FER1L6: variants seen among roughly 807,000 people sequenced by gnomAD.
The protein encoded by FER1L6 is fer-1-like protein 6.
A neutral mutation model predicts 219.2 loss-of-function variants in FER1L6; 177 were observed. The observed-to-expected ratio is 0.81, with a 90% CI of 0.71 to 0.91. The LOEUF (loss-of-function observed/expected upper bound fraction) is 0.91, where lower values mean the gene tolerates loss of function less well. Ranked by LOEUF, FER1L6 falls within the 40% of genes least tolerant of loss-of-function variation. The pLI, the probability that FER1L6 is intolerant of heterozygous loss-of-function variation, is 0.00. For synonymous variants in FER1L6, 768 were observed against 824.3 expected, an observed-to-expected ratio of 0.93 and a Z score of 1.17; for missense variants, 2,153 against 2,259.9, an observed-to-expected ratio of 0.95 and a Z score of 0.96.
Position 124,113,941 on chromosome 8 carries a change from T to C in FER1L6, c.5290-4903T>C, listed in dbSNP as rs371124301. Among the ~76,000 whole-genome samples the C allele has an allele frequency of 1.4e-3, 214 of 152,330 alleles. 7 individuals carry two copies. In the South Asian group the frequency reaches 0.042, roughly 30 times the overall value. On this transcript the variant is annotated intron_variant, in intron 39 of 40. Coordinates refer to ENST00000522917, the MANE Select transcript of FER1L6 (RefSeq NM_001039112.2). ...GTTGGTAAATACAAGATTTCTTCACTGTAAAGGCACATTTTCCCCTCTGCC... is the reference window on the plus strand; with the variant it reads ...GTTGGTAAATACAAGATTTCTTCACCGTAAAGGCACATTTTCCCCTCTGCC...
chr8:123,920,988 G>A (rs1277209984), intron 1 of FER1L6, among the ~76,000 whole-genome samples: 1 of 152,084 alleles, frequency 6.6e-6, no homozygotes, highest in African/African-American at 2.4e-5. Flanking sequence ...TTAACATAAT[G>A]TCCTCAAGGT....
intron 1 of FER1L6, among the ~76,000 whole-genome samples, chr8:123,927,076 G>A (rs750736349): frequency 4.6e-5 from 7 of 151,812 alleles, no homozygotes; most frequent in Non-Finnish European, 8.8e-5. Flanking sequence ...ATGAGATAGA[G>A]TTGGCCCAAC....
chr8:123,894,410 C>T (rs4317550), intron 1 of FER1L6, among the ~76,000 whole-genome samples: 22,158 of 152,154 alleles, frequency 0.15, 1,659 homozygotes, highest in Middle Eastern at 0.2. Context: ...TAATTGTTGT[C>T]TCAGTGATTG....
At chr8:123,881,731 C>A (rs1563672002) in intron 1 of FER1L6, among the ~76,000 whole-genome samples, 4 of 152,162 alleles carry the variant, frequency 2.6e-5, no homozygotes, top group Admixed American at 2.6e-4. Context: ...GCTGAGTCGG[C>A]CTCGTCTTAC....
chr8:123,879,750 C>G (rs950758510), intron 1 of FER1L6, among the ~76,000 whole-genome samples: 5 of 152,164 alleles, frequency 3.3e-5, no homozygotes, highest in Non-Finnish European at 7.4e-5. Context: ...CACACACATT[C>G]ACTCACTGAA....
In FER1L6 at chr8:123,946,705, A is replaced by G. The variant is rs1049161487; in HGVS notation, c.-7-9287A>G. On this transcript the variant is annotated intron_variant, in intron 1 of 40. Transcript: ENST00000522917. The stretch of plus-strand genomic sequence containing the variant: ...GCCACATTGGGCCACCTGGTTACAT[A>G]CTCAATCTTCCCTCTCTTCCTCCCA... 3.9e-5 allele frequency among the ~76,000 whole-genome samples: 6 copies of G among 152,070 alleles called. No individual in the cohort carries two copies. The East Asian group carries it at 7.7e-4, about 20-fold the overall frequency.
intron 10 of FER1L6, among the ~76,000 whole-genome samples, 173 bp downstream of exon 10, chr8:123,977,782 C>T (rs1816157110): frequency 6.6e-6 from 1 of 152,180 alleles, no homozygotes; most frequent in Non-Finnish European, 1.5e-5. Flanking sequence ...TGGGATGAAA[C>T]TGTTCCACTT....
intron 33 of FER1L6, among the ~76,000 whole-genome samples, chr8:124,088,984 C>G (rs62520815): frequency 6.6e-6 from 1 of 151,936 alleles, no homozygotes; most frequent in Admixed American, 6.6e-5. Context: ...GCGAGCACTC[C>G]CATGGCTGCC....
rs1364601676 is a variant in FER1L6, at chr8:124,114,473, G to T, written c.5290-4371G>T. Among the ~76,000 whole-genome samples, 6 of 152,104 alleles carry T rather than the reference G, an allele frequency of 3.9e-5. No individual in the cohort carries two copies. In the East Asian group the frequency reaches 1.2e-3, roughly 29 times the overall value. On this transcript the variant is annotated intron_variant, in intron 39 of 40. Coordinates refer to ENST00000522917, the MANE Select transcript of FER1L6 (RefSeq NM_001039112.2). Reference sequence around the variant, plus strand: ...CGTAGATCCTGGTTTCTATACATCAGCTCCTACTAAAAACCAACCAACCAA... The same window carrying T: ...CGTAGATCCTGGTTTCTATACATCATCTCCTACTAAAAACCAACCAACCAA...
intron 11 of FER1L6, chr8:123,984,447 T>A (rs1366619278): frequency 6.6e-6 from 1 of 152,254 alleles, no homozygotes; most frequent in African/African-American, 2.4e-5. Context: ...TCTTGCTATG[T>A]TACCCAGGCT....
chr8:123,905,320 G>C (rs545244657), intron 1 of FER1L6, among the ~76,000 whole-genome samples: 20 of 152,286 alleles, frequency 1.3e-4, no homozygotes, highest in Middle Eastern at 3.4e-3. Flanking sequence ...TTTTAAGTGA[G>C]AACGTGTGGT....
chr8:124,030,542 C>G (rs1228188666), intron 18 of FER1L6, among the ~76,000 whole-genome samples: 2 of 152,072 alleles, frequency 1.3e-5, no homozygotes, highest in Non-Finnish European at 2.9e-5. Context: ...AAGGAAGGAG[C>G]TAGATGCTCT....
chr8:124,089,042 C>T (rs566523208), intron 33 of FER1L6, among the ~76,000 whole-genome samples: 8 of 152,254 alleles, frequency 5.3e-5, no homozygotes, highest in East Asian at 1.9e-4. Flanking sequence ...CCACTGGCTC[C>T]GAGCTCAGCA....
chr8:124,044,899 C>T (rs918148811), intron 20 of FER1L6, among the ~76,000 whole-genome samples: 3 of 152,178 alleles, frequency 2.0e-5, no homozygotes, highest in Admixed American at 6.5e-5. Context: ...GGCTGTAAGC[C>T]ACTTCTAGGC....
At chr8:123,856,298 A>ATGTG (rs1425761658) in intron 1 of FER1L6, among the ~76,000 whole-genome samples, 2 of 72,640 alleles carry the variant, frequency 2.8e-5, no homozygotes, top group African/African-American at 1.1e-4. Context: ...GTGTGTATAT[A>ATGTG]TATATATATA....
chr8:124,080,712 AGTCTTCT>A (rs1409058769), intron 32 of FER1L6, among the ~76,000 whole-genome samples: 1 of 152,194 alleles, frequency 6.6e-6, no homozygotes. Flanking sequence ...AGGGTGATTA[AGTCTTCT>A]GTCATGGTTG....
chr8:123,952,553 C>G (rs1814819782), intron 1 of FER1L6, among the ~76,000 whole-genome samples: 2 of 152,132 alleles, frequency 1.3e-5, no homozygotes, highest in Non-Finnish European at 2.9e-5. Flanking sequence ...CCAGAAAGCC[C>G]TATACTTTTT....
chr8:123,929,529 A>T (rs978014767), intron 1 of FER1L6, among the ~76,000 whole-genome samples: 16 of 152,164 alleles, frequency 1.1e-4, no homozygotes, highest in African/African-American at 3.9e-4. Context: ...CTAGGGAGGA[A>T]GTCTGCATCA....
At position 123,902,203 on chromosome 8, in the gene FER1L6, T is replaced by C. The variant is rs1812871535; in HGVS notation, c.-8+50018T>C. On this transcript the variant is annotated intron_variant, in intron 1 of 40. Transcript: ENST00000522917. The stretch of plus-strand genomic sequence containing the variant: ...TATAATTTCAATTTTCTTAAATTTA[T>C]TGAGGCTCATTTTATGGCCTATCAC... Among the ~76,000 whole-genome samples the C allele has an allele frequency of 1.3e-5, 2 of 152,208 alleles. 1 individual carries two copies. Among genetic ancestry groups the C allele is most frequent in the Admixed American group, 1.3e-4 (2 of 15,284 alleles).
Sources: gnomAD v4.1 joint callset for allele counts (sites outside exome capture counted in the v4.1 genomes callset) on GRCh38, gnomAD v4.1.1 for gene constraint, MANE v1.5 for transcripts, NCBI Gene and HGNC (gene_info 2026-07-23, HGNC 2026-07-21) for gene names.